ATP6V0D1: variants seen among roughly 807,000 people sequenced by gnomAD.
ATP6V0D1 encodes the protein ATPase H+ transporting V0 subunit d1.
Under a neutral mutation model 39.0 loss-of-function variants are expected in ATP6V0D1, and 13 were observed. That is an observed-to-expected ratio of 0.33 (90% CI 0.22 to 0.53). ATP6V0D1 has a LOEUF of 0.53. Ranked by LOEUF, ATP6V0D1 falls within the 20% of genes least tolerant of loss-of-function variation. ATP6V0D1 has a pLI of 0.94. For synonymous variants in ATP6V0D1, 191 were observed against 191.2 expected (o/e 1.00, Z 0.01); for missense variants, 272 against 470.9 (o/e 0.58, Z 3.91).
intron 1 of ATP6V0D1, among the ~76,000 whole-genome samples, chr16:67,474,723 C>T (rs2041401150): frequency 6.6e-6 from 1 of 152,152 alleles, no homozygotes; most frequent in Admixed American, 6.5e-5. Flanking sequence ...GGACACACCG[C>T]TATCTCAATT....
chr16:67,461,532 G>C (rs1458710995), intron 1 of ATP6V0D1, among the ~76,000 whole-genome samples: 2 of 152,188 alleles, frequency 1.3e-5, no homozygotes, highest in Non-Finnish European at 1.5e-5. Flanking sequence ...GAAACCTCTG[G>C]GCTGGCAGGC....
At chr16:67,442,412 G>C (rs16957430) in intron 4 of ATP6V0D1, among the ~76,000 whole-genome samples, 8,370 of 151,864 alleles carry the variant, frequency 0.055, 688 homozygotes, top group African/African-American at 0.18. Flanking sequence ...AGCCAGAGCA[G>C]AGTCTATCCC....
chr16:67,457,549 ACACTCACTGCT>A (rs2041250021), intron 1 of ATP6V0D1: 1 of 1,287,758 alleles, frequency 7.8e-7, no homozygotes, highest in Non-Finnish European at 1.0e-6. Flanking sequence ...GGCAGCCTGA[ACACTCACTGCT>A]CACCTGACAG....
chr16:67,458,469 A>T (rs1286646507), intron 1 of ATP6V0D1, among the ~76,000 whole-genome samples: 3 of 152,118 alleles, frequency 2.0e-5, no homozygotes, highest in African/African-American at 7.2e-5. Flanking sequence ...CAGCAGCCTG[A>T]CAGCCTCAGT....
intron 2 of ATP6V0D1, among the ~76,000 whole-genome samples, chr16:67,450,851 A>G (rs888476608): frequency 1.3e-5 from 2 of 152,276 alleles, no homozygotes; most frequent in East Asian, 3.9e-4. Context: ...CATTGGTGGA[A>G]GGATCCAAGA....
At chr16:67,471,805 A>T (rs1230000155) in intron 1 of ATP6V0D1, among the ~76,000 whole-genome samples, 1 of 150,346 alleles carries the variant, frequency 6.7e-6, no homozygotes, top group Admixed American at 6.6e-5. Flanking sequence ...CCATATTATT[A>T]TTTTTTTAGA....
At chr16:67,457,412 C>T (rs934635217) in intron 1 of ATP6V0D1, 2 of 414,658 alleles carry the variant, frequency 4.8e-6, no homozygotes, top group African/African-American at 4.1e-5. Context: ...ATTCCCCAGC[C>T]CTTGACCCAG....
At position 67,472,952 on chromosome 16, in the gene ATP6V0D1, G is replaced by T. The variant is rs1289804715; in HGVS notation, c.130+8005C>A. Among the ~76,000 whole-genome samples the T allele has an allele frequency of 3.9e-5, 6 of 152,032 alleles. No homozygotes were observed. In the East Asian group the frequency reaches 1.2e-3, roughly 29 times the overall value. ...TTCCTACACATTAACCTTAATCTAA[G>T]AATCTCTCTCTTTTTAAAACAATTT... On this transcript the variant is annotated intron_variant, in intron 1 of 7. Transcript: ENST00000290949.
At chr16:67,457,665 G>T in intron 1 of ATP6V0D1, 1 of 1,288,706 alleles carries the variant, frequency 7.8e-7, no homozygotes, top group Non-Finnish European at 1.0e-6. Flanking sequence ...GAGAAGCCAG[G>T]AATGTGTGCA....
At chr16:67,451,634 A>C (rs77211623) in intron 2 of ATP6V0D1, among the ~76,000 whole-genome samples, 3,807 of 152,312 alleles carry the variant, frequency 0.025, 46 homozygotes, top group Middle Eastern at 0.041. Flanking sequence ...ACAGGCCCTG[A>C]TGGGCTGACA....
intron 1 of ATP6V0D1, among the ~76,000 whole-genome samples, chr16:67,476,035 G>C (rs1452396793): frequency 2.6e-5 from 4 of 152,118 alleles, no homozygotes; most frequent in African/African-American, 9.7e-5. Context: ...TTCAAGACCA[G>C]CCTGGCTAAC....
intron 1 of ATP6V0D1, among the ~76,000 whole-genome samples, chr16:67,480,722 G>C (rs796978154): frequency 4.6e-5 from 7 of 152,190 alleles, no homozygotes; most frequent in African/African-American, 1.7e-4. Context: ...CGAGAGAAAA[G>C]GTGGCCCAAG....
chr16:67,443,440 G>T (rs1343885286), intron 3 of ATP6V0D1: 3 of 467,476 alleles, frequency 6.4e-6, no homozygotes, highest in South Asian at 3.0e-5. Flanking sequence ...TCTAATCACC[G>T]CTGGGGCAGA....
At position 67,441,780 on chromosome 16, in the gene ATP6V0D1, T is replaced by C. The variant is rs1304877928; in HGVS notation, c.561+1319A>G. ...TTTTCACATGGGGATAATGACACCT[T>C]CCTAGTTCCTAGCGCAGTCTGAAGG... On this transcript the variant is annotated intron_variant, in intron 4 of 7. Transcript: ENST00000290949. 2.0e-5 allele frequency: 3 copies of C among 152,246 alleles called. No homozygotes were observed. The East Asian group carries it at 5.8e-4, about 29-fold the overall frequency. 9.4% of individuals were successfully genotyped at this position (152,246 alleles called of 1,614,324 possible).
At chr16:67,440,962 T>C (rs2041043545) in intron 4 of ATP6V0D1, 1 of 152,258 alleles carries the variant, frequency 6.6e-6, no homozygotes, top group African/African-American at 2.4e-5. Context: ...GCCACCTCCT[T>C]CCCTGTGGCC....
chr16:67,452,545 G>C, intron 2 of ATP6V0D1: 1 of 747,058 alleles, frequency 1.3e-6, no homozygotes, highest in Admixed American at 2.0e-5. Flanking sequence ...TCAAGGAATG[G>C]TAAAAGTTAG....
At position 67,438,844 on chromosome 16, in the gene ATP6V0D1, T is replaced by C; in HGVS notation, c.843A>G (p.Ala281=). 1 of 1,577,138 alleles carries C rather than the reference T, an allele frequency of 6.3e-7. No homozygotes were observed. Among genetic ancestry groups the C allele is most frequent in the Non-Finnish European group, 8.6e-7 (1 of 1,161,462 alleles). ...YPEYKLLFEG[A]GSNPGDKTLE... is the part of the protein sequence containing the mutation. Reference sequence around the variant, plus strand: ...GCGTCTTGTCTCCAGGGTTGCTACCTGCACCCTCGAAGAGCAGCTTGTACT... The same window carrying C: ...GCGTCTTGTCTCCAGGGTTGCTACCCGCACCCTCGAAGAGCAGCTTGTACT... Residue 281 remains alanine, a synonymous_variant, in exon 7 of 8, where the codon GCA becomes GCG. Coordinates refer to ENST00000290949, the MANE Select transcript of ATP6V0D1 (RefSeq NM_004691.5).
intron 1 of ATP6V0D1, among the ~76,000 whole-genome samples, chr16:67,472,355 T>C (rs1163813181): frequency 1.3e-5 from 2 of 152,252 alleles, no homozygotes; most frequent in Admixed American, 6.5e-5. Context: ...ATTATTGCCT[T>C]CTGCACACCC....
At chr16:67,467,503 C>CAA (rs926836473) in intron 1 of ATP6V0D1, among the ~76,000 whole-genome samples, 2 of 138,758 alleles carry the variant, frequency 1.4e-5, no homozygotes, top group Non-Finnish European at 3.1e-5. Context: ...GACTCTGTCT[C>CAA]AAAAAAAAAA....
Sources: allele counts gnomAD v4.1 joint callset (sites outside exome capture counted in the v4.1 genomes callset), GRCh38; gene constraint gnomAD v4.1.1; transcripts MANE v1.5; gene names NCBI Gene and HGNC (gene_info 2026-07-23, HGNC 2026-07-21).